Variants in EPHA7 observed in about 807,000 individuals in gnomAD.
The protein encoded by EPHA7 is ephrin type-A receptor 7.
A neutral mutation model predicts 112.6 loss-of-function variants in EPHA7; 25 were observed. The observed-to-expected ratio is 0.22, with a 90% CI of 0.16 to 0.31. The LOEUF is 0.31. Ranked by LOEUF, EPHA7 falls within the 10% of genes least tolerant of loss-of-function variation. The probability of loss-of-function intolerance (pLI) is 1.00; values close to 1 mark genes in which losing one functional copy is unlikely to be tolerated. For missense variants in EPHA7, 962 were observed against 1,212.6 expected (o/e 0.79, Z 3.07); for synonymous variants, 437 against 406.5 (o/e 1.07, Z -0.90).
At chr6:93,257,555 G>C (rs771659962) in intron 11 of EPHA7, 32 bp from the exon 12 acceptor site, 1 of 1,460,604 alleles carries the variant, frequency 6.8e-7, no homozygotes. Flanking sequence ...TTCAGGAGTC[G>C]TAACCTGAGC....
intron 5 of EPHA7, among the ~76,000 whole-genome samples, chr6:93,298,744 T>C (rs1356138286): frequency 6.6e-6 from 1 of 152,148 alleles, no homozygotes; most frequent in Admixed American, 6.5e-5. Flanking sequence ...TAAGGGCTCT[T>C]GGTAGTTAAA....
intron 3 of EPHA7, among the ~76,000 whole-genome samples, chr6:93,358,959 T>C (rs3778471): frequency 0.18 from 27,126 of 152,098 alleles, 2,836 homozygotes; most frequent in East Asian, 0.36. Flanking sequence ...TTCAGGAAAC[T>C]CCAAGATAGA....
At chr6:93,297,352 G>A (rs968399612) in intron 5 of EPHA7, among the ~76,000 whole-genome samples, 1 of 152,026 alleles carries the variant, frequency 6.6e-6, no homozygotes, top group Non-Finnish European at 1.5e-5. Context: ...TTTTCTTTCT[G>A]AGGAAAATGA....
chr6:93,339,782 A>G (rs2127918177), intron 5 of EPHA7, among the ~76,000 whole-genome samples: 1 of 151,968 alleles, frequency 6.6e-6, no homozygotes, highest in Admixed American at 6.6e-5. Context: ...ATGTCAATAC[A>G]TTGAAAAAAC....
chr6:93,395,630 T>A (rs1341016890), intron 3 of EPHA7, among the ~76,000 whole-genome samples: 1 of 150,822 alleles, frequency 6.6e-6, no homozygotes, highest in African/African-American at 2.4e-5. Flanking sequence ...CGTCACTCAC[T>A]TTTTGAAGTG....
At chr6:93,269,705 A>G in intron 6 of EPHA7, 45 bp from the exon 7 acceptor site, 2 of 1,410,796 alleles carry the variant, frequency 1.4e-6, no homozygotes, top group South Asian at 3.1e-5. Flanking sequence ...GATTGCAACC[A>G]GACAATTTGA....
intron 2 of EPHA7, among the ~76,000 whole-genome samples, chr6:93,413,278 A>C (rs1263226287): frequency 2.0e-5 from 3 of 151,986 alleles, no homozygotes; most frequent in Non-Finnish European, 4.4e-5. Context: ...ATGTTTACAG[A>C]CATGTAGGGT....
chr6:93,269,866 A>G (rs1771125668), intron 6 of EPHA7, among the ~76,000 whole-genome samples: 1 of 151,798 alleles, frequency 6.6e-6, no homozygotes, highest in African/African-American at 2.4e-5. Context: ...ATTTAGGGCG[A>G]AATAATTTAG....
chr6:93,254,510 A>T, intron 14 of EPHA7, 137 bp downstream of exon 14: 1 of 508,116 alleles, frequency 2.0e-6, no homozygotes, highest in Non-Finnish European at 3.2e-6. Flanking sequence ...TATGGTAATT[A>T]GTGTGGTAGT....
intron 5 of EPHA7, among the ~76,000 whole-genome samples, chr6:93,302,621 C>T (rs1773046026): frequency 6.6e-6 from 1 of 152,068 alleles, no homozygotes; most frequent in African/African-American, 2.4e-5. Context: ...AATCTGGATG[C>T]AAGAACAGCA....
At chr6:93,280,273 C>G (rs1582438130) in intron 5 of EPHA7, among the ~76,000 whole-genome samples, 2 of 152,124 alleles carry the variant, frequency 1.3e-5, no homozygotes, top group East Asian at 3.9e-4. Context: ...ATTTGTAATT[C>G]AGCATTTGGT....
At chr6:93,378,754 T>A (rs1233988632) in intron 3 of EPHA7, among the ~76,000 whole-genome samples, 3 of 152,154 alleles carry the variant, frequency 2.0e-5, no homozygotes. Context: ...TTTTGAAATA[T>A]GACTAGGTAG....
At chr6:93,361,637 G>T (rs1377254073) in intron 3 of EPHA7, among the ~76,000 whole-genome samples, 1 of 152,036 alleles carries the variant, frequency 6.6e-6, no homozygotes, top group Non-Finnish European at 1.5e-5. Flanking sequence ...TCTAAATGCA[G>T]CTGGTTTTCT....
chr6:93,333,164 T>C (rs1774686958), intron 5 of EPHA7, among the ~76,000 whole-genome samples: 1 of 151,742 alleles, frequency 6.6e-6, no homozygotes. Flanking sequence ...CATTAATTTG[T>C]TTAGGATTAT....
intron 5 of EPHA7, among the ~76,000 whole-genome samples, chr6:93,327,298 G>A (rs951423214): frequency 6.6e-5 from 10 of 151,434 alleles, no homozygotes; most frequent in Non-Finnish European, 1.2e-4. Flanking sequence ...TTATCTCAAT[G>A]GCCATTCATT....
At chr6:93,366,283 T>C (rs1188190190) in intron 3 of EPHA7, among the ~76,000 whole-genome samples, 1 of 152,220 alleles carries the variant, frequency 6.6e-6, no homozygotes, top group African/African-American at 2.4e-5. Flanking sequence ...TATGTTCAAA[T>C]ACACTCCACC....
intron 5 of EPHA7, among the ~76,000 whole-genome samples, chr6:93,313,871 C>T (rs918923248): frequency 2.0e-5 from 3 of 152,010 alleles, no homozygotes; most frequent in African/African-American, 7.2e-5. Context: ...GCAACAGTAC[C>T]ATGGCCTAGT....
chr6:93,329,784 T>C (rs959847081), intron 5 of EPHA7, among the ~76,000 whole-genome samples: 1 of 151,248 alleles, frequency 6.6e-6, no homozygotes, highest in Non-Finnish European at 1.5e-5. Flanking sequence ...GCGGCAGAAC[T>C]GGAAAGTGAA....
intron 3 of EPHA7, among the ~76,000 whole-genome samples, chr6:93,396,204 T>C (rs375149218): frequency 5.9e-5 from 9 of 151,958 alleles, no homozygotes; most frequent in African/African-American, 2.2e-4. Context: ...TATTTCTAGG[T>C]GAAAAATCAA....
Sources: allele counts gnomAD v4.1 joint callset (sites outside exome capture counted in the v4.1 genomes callset), GRCh38; gene constraint gnomAD v4.1.1; transcripts MANE v1.5; gene names NCBI Gene and HGNC (gene_info 2026-07-23, HGNC 2026-07-21).